Variants in SLC7A14 observed in about 807,000 individuals in gnomAD.
SLC7A14 encodes gamma-aminobutyric acid transporter SLC7A14.
SLC7A14 carries 37 observed loss-of-function variants against 60.2 expected under a neutral mutation model. The ratio of observed to expected loss-of-function variants is 0.61; its 90% CI spans 0.47 to 0.81. The LOEUF (loss-of-function observed/expected upper bound fraction) is 0.81. Ranked by LOEUF, SLC7A14 falls within the 30% of genes least tolerant of loss-of-function variation. The pLI, the probability that SLC7A14 is intolerant of heterozygous loss-of-function variation, is 0.00. For synonymous variants in SLC7A14, 399 were observed against 395.8 expected (o/e 1.01, Z -0.10); for missense variants, 886 against 982.7 (o/e 0.90, Z 1.32).
At chr3:170,569,924 G>A (rs1714897784) in intron 1 of SLC7A14, among the ~76,000 whole-genome samples, 1 of 152,008 alleles carries the variant, frequency 6.6e-6, no homozygotes, top group Admixed American at 6.5e-5. Flanking sequence ...AGTCTTGCTA[G>A]CGGTCTATCA....
At chr3:170,575,621 A>G (rs1715067887) in intron 1 of SLC7A14, among the ~76,000 whole-genome samples, 1 of 152,246 alleles carries the variant, frequency 6.6e-6, no homozygotes, top group South Asian at 2.1e-4. Context: ...ATTGATGGCT[A>G]AAATTCCCAA....
In SLC7A14 at chr3:170,467,749, C is replaced by T. The variant is rs1465172078; in HGVS notation, c.1994-372G>A. Among the ~76,000 whole-genome samples, 3 of 152,156 alleles carry T rather than the reference C, an allele frequency of 2.0e-5. No individual in the cohort carries two copies. The East Asian group carries it at 5.8e-4, about 29-fold the overall frequency. On this transcript the variant is annotated intron_variant, in intron 7 of 7. Transcript: ENST00000231706. ...CCACCTCCCATGCTGACGTCGGGCT[C>T]ATTACACTCATATAGCTGCCAGCCA...
chr3:170,526,661 G>A lies in SLC7A14; in HGVS notation c.276C>T (p.Ile92=). The change falls in exon 2 of 8, where the codon ATC becomes ATT. Residue 92 remains isoleucine, a synonymous_variant. Transcript: ENST00000231706. The stretch of plus-strand genomic sequence containing the variant: ...ATAATATGGATGCGACGGCTGCAAT[G>A]ATGAAGGACACAATGACACCAGGTC... ...MAGPGVIVSF[I]IAAVASILSG... The A allele has an allele frequency of 6.2e-7, 1 of 1,614,216 alleles. No homozygotes were observed. Among genetic ancestry groups the A allele is most frequent in the Non-Finnish European group, 8.5e-7 (1 of 1,180,044 alleles).
At chr3:170,533,692 GCACGCACACACA>G (rs1305828413) in intron 1 of SLC7A14, among the ~76,000 whole-genome samples, 7 of 151,632 alleles carry the variant, frequency 4.6e-5, no homozygotes, top group African/African-American at 9.7e-5. Flanking sequence ...GTGTGTGTGT[GCACGCACACACA>G]TGTGTGCACA....
In SLC7A14 at chr3:170,480,635, G is replaced by A. The variant is rs1047577556; in HGVS notation, c.1647C>T (p.Gly549=). The change falls in exon 7 of 8, where the codon GGC becomes GGT. Residue 549 remains glycine, a synonymous_variant. Coordinates refer to ENST00000231706, the MANE Select transcript of SLC7A14 (RefSeq NM_020949.3). ...TGGGCCGGTCCATTTTGCCTGGAAG[G>A]CCCAGCCGGATTCTCATGGTGTAAT... ...PHYYTMRIRL[G]LPGKMDRPTA... 1.9e-5 allele frequency: 30 copies of A among 1,614,128 alleles called. No homozygotes were observed. Among genetic ancestry groups the A allele is most frequent in the Admixed American group, 5.0e-5 (3 of 60,008 alleles).
At chr3:170,478,200 C>T (rs779829035) in intron 7 of SLC7A14, among the ~76,000 whole-genome samples, 4 of 152,150 alleles carry the variant, frequency 2.6e-5, no homozygotes, top group Admixed American at 6.5e-5. Context: ...GTCTCATCCT[C>T]CCAAGTAGCT....
chr3:170,539,533 TATTTAGTTTCGAG>T (rs1713947985), intron 1 of SLC7A14, among the ~76,000 whole-genome samples: 1 of 152,228 alleles, frequency 6.6e-6, no homozygotes. Context: ...TTTACTTATT[TATTTAGTTTCGAG>T]TAATTTATCT....
At chr3:170,570,536 G>C (rs1227905023) in intron 1 of SLC7A14, 2 of 152,078 alleles carry the variant, frequency 1.3e-5, no homozygotes, top group African/African-American at 4.8e-5. Flanking sequence ...TTCTAGGCTT[G>C]GTGCGGTTGG....
At chr3:170,551,391 C>T (rs540029157) in intron 1 of SLC7A14, among the ~76,000 whole-genome samples, 8 of 152,234 alleles carry the variant, frequency 5.3e-5, no homozygotes, top group South Asian at 2.1e-4. Flanking sequence ...TGTGGACATT[C>T]GTTTTCAGGT....
At chr3:170,509,781 C>T (rs1223483047) in intron 2 of SLC7A14, among the ~76,000 whole-genome samples, 10 of 141,904 alleles carry the variant, frequency 7.0e-5, no homozygotes, top group South Asian at 2.3e-4. Flanking sequence ...CTTGTCTCTA[C>T]GAAAAATACA....
At chr3:170,564,774 C>T (rs1019762496) in intron 1 of SLC7A14, among the ~76,000 whole-genome samples, 8 of 152,278 alleles carry the variant, frequency 5.3e-5, no homozygotes, top group Admixed American at 1.3e-4. Flanking sequence ...CATATTAAAA[C>T]GCAGTGTTGT....
chr3:170,495,870 C>G, intron 4 of SLC7A14: 1 of 1,291,680 alleles, frequency 7.7e-7, no homozygotes, highest in Non-Finnish European at 1.1e-6. Context: ...CATGAACAAC[C>G]TTAGGCGGCA....
chr3:170,526,074 TTA>T (rs1491156227), intron 2 of SLC7A14, among the ~76,000 whole-genome samples: 2 of 100,094 alleles, frequency 2.0e-5, no homozygotes, highest in South Asian at 3.4e-4. Flanking sequence ...AAGACTCTGT[TTA>T]AAAAAAAAAA....
At chr3:170,529,153 C>T (rs1367978853) in intron 1 of SLC7A14, among the ~76,000 whole-genome samples, 1 of 152,138 alleles carries the variant, frequency 6.6e-6, no homozygotes, top group African/African-American at 2.4e-5. Flanking sequence ...ATATAAACAA[C>T]AAAGAACCAC....
chr3:170,492,807 G>A (rs1008049017), intron 4 of SLC7A14, among the ~76,000 whole-genome samples: 1 of 152,170 alleles, frequency 6.6e-6, no homozygotes, highest in Non-Finnish European at 1.5e-5. Context: ...CAGCCAGTCT[G>A]CCGGATGCCT....
At chr3:170,577,874 GGTGTATTGTATTTATGACTA>G (rs1462539247) in intron 1 of SLC7A14, among the ~76,000 whole-genome samples, 4 of 152,182 alleles carry the variant, frequency 2.6e-5, no homozygotes, top group Non-Finnish European at 5.9e-5. Context: ...TGGGTACTGT[GGTGTATTGTATTTATGACTA>G]ATTTGTTAAC....
intron 1 of SLC7A14, among the ~76,000 whole-genome samples, chr3:170,552,625 TC>T (rs1714382064): frequency 6.6e-6 from 1 of 152,140 alleles, no homozygotes; most frequent in African/African-American, 2.4e-5. Flanking sequence ...TGACACTGTG[TC>T]CCCCAACTGT....
At position 170,463,722 on chromosome 3, in the gene SLC7A14, C is replaced by T. The variant is rs1739653672; in HGVS notation, c.*3333G>A. 1 of 151,868 alleles carries T rather than the reference C, an allele frequency of 6.6e-6. No individual in the cohort carries two copies. The highest frequency in any genetic ancestry group is 1.5e-5 in the Non-Finnish European group (1 of 68,030). The allele number at this position is 151,868 out of a possible 1,614,324, so 9.4% of individuals were successfully genotyped here. On this transcript the variant is annotated 3_prime_UTR_variant, in exon 8 of 8. Transcript: ENST00000231706. ...TCTTAAGAGCTGGATTTTTATCTGA[C>T]TTACGATATCAATATCTGCCATAGT...
rs1739623694 is a variant in SLC7A14 at position 170,462,249 on chromosome 3, A to T, written c.*4806T>A. The T allele has an allele frequency of 6.6e-6, 1 of 152,152 alleles. No homozygotes were observed. Among genetic ancestry groups the T allele is most frequent in the Non-Finnish European group, 1.5e-5 (1 of 68,028 alleles). 9.4% of individuals were successfully genotyped at this position (152,152 alleles called of 1,614,324 possible). The stretch of plus-strand genomic sequence containing the variant: ...GTCTTCTATGTGGATTTTCAACCTG[A>T]TGTAGCTTCTGTTTATGTTGCAGAT... On this transcript the variant is annotated 3_prime_UTR_variant, in exon 8 of 8. Transcript: ENST00000231706.
Sources: gnomAD v4.1 joint callset for allele counts (sites outside exome capture counted in the v4.1 genomes callset) on GRCh38, gnomAD v4.1.1 for gene constraint, MANE v1.5 for transcripts, NCBI Gene and HGNC (gene_info 2026-07-23, HGNC 2026-07-21) for gene names.